The following NRXN1 variants were observed in gnomAD, a reference collection of about 807,000 sequenced individuals.
The protein encoded by NRXN1 is neurexin-1.
Under a neutral mutation model 150.9 loss-of-function variants are expected in NRXN1, and 39 were observed. That is an observed-to-expected ratio of 0.26 (90% CI 0.20 to 0.34). The LOEUF (loss-of-function observed/expected upper bound fraction) is 0.34, where lower values mean the gene tolerates loss of function less well. NRXN1 is among the 10% of genes least tolerant of loss of function. The probability of loss-of-function intolerance (pLI) is 1.00; values close to 1 mark genes in which losing one functional copy is unlikely to be tolerated. For synonymous variants in NRXN1, 924 were observed against 757.0 expected, an observed-to-expected ratio of 1.22 and a Z score of -3.62; for missense variants, 1,815 against 1,949.9, an observed-to-expected ratio of 0.93 and a Z score of 1.30.
At chr2:50,109,447 A>G (rs1656645841) in intron 18 of NRXN1, among the ~76,000 whole-genome samples, 1 of 152,148 alleles carries the variant, frequency 6.6e-6, no homozygotes, top group African/African-American at 2.4e-5. Flanking sequence ...AATTTAGCCA[A>G]AAAAACCCCA....
intron 2 of NRXN1, among the ~76,000 whole-genome samples, chr2:50,937,576 C>T (rs926607742): frequency 5.3e-5 from 8 of 152,100 alleles, no homozygotes; most frequent in African/African-American, 1.9e-4. Flanking sequence ...ATCCAAATTT[C>T]AGGCAGTCCC....
chr2:50,116,061 CT>C (rs1553627032), intron 18 of NRXN1, among the ~76,000 whole-genome samples: 1 of 151,990 alleles, frequency 6.6e-6, no homozygotes, highest in Non-Finnish European at 1.5e-5. Flanking sequence ...GGCTCGACCT[CT>C]TTTTTTAATT....
At chr2:51,030,174 G>A (rs72828365) in intron 1 of NRXN1, among the ~76,000 whole-genome samples, 1 of 151,834 alleles carries the variant, frequency 6.6e-6, no homozygotes, top group Admixed American at 6.6e-5. Flanking sequence ...AATTACAAAT[G>A]TATAATCTGT....
At chr2:49,923,504 G>A (rs551667108) in intron 22 of NRXN1, among the ~76,000 whole-genome samples, 78 of 152,240 alleles carry the variant, frequency 5.1e-4, no homozygotes, top group Non-Finnish European at 1.0e-3. Flanking sequence ...GAATGTGTGT[G>A]TATGAGTGTG....
chr2:50,242,169 T>G (rs1199599800), intron 17 of NRXN1, among the ~76,000 whole-genome samples: 1 of 151,720 alleles, frequency 6.6e-6, no homozygotes, highest in Admixed American at 6.6e-5. Context: ...GGTACCCAGA[T>G]GAATATTAAA....
intron 5 of NRXN1, among the ~76,000 whole-genome samples, chr2:50,837,016 GTAAATCCCTGAAGATACT>G (rs986719346): frequency 1.5e-4 from 23 of 151,948 alleles, no homozygotes; most frequent in Admixed American, 1.3e-3. Flanking sequence ...TTCCAAAAGA[GTAAATCCCTGAAGATACT>G]TTGCATATTT....
intron 21 of NRXN1, among the ~76,000 whole-genome samples, chr2:49,985,758 C>G (rs1445851657): frequency 6.6e-6 from 1 of 152,156 alleles, no homozygotes; most frequent in Non-Finnish European, 1.5e-5. Flanking sequence ...GGCATACTGT[C>G]ATGCAAATGA....
chr2:51,028,180 C>G lies in NRXN1; in HGVS notation c.94G>C (p.Glu32Gln). 2 of 1,511,466 alleles carry G rather than the reference C, an allele frequency of 1.3e-6. No homozygotes were observed. The highest frequency in any genetic ancestry group is 1.3e-5 in the South Asian group (1 of 77,374). The allele number at this position is 1,511,466 out of a possible 1,614,324, so 93.6% of individuals were successfully genotyped here. Reference protein sequence around the residue: ...GCWAELGSGLEFPGAEGQWTR... With the variant: ...GCWAELGSGLQFPGAEGQWTR... ...CATTGGCCCTCGGCGCCCGGAAACTCCAGCCCGCTGCCCAGCTCCGCCCAG... is the reference window on the plus strand; with the variant it reads ...CATTGGCCCTCGGCGCCCGGAAACTGCAGCCCGCTGCCCAGCTCCGCCCAG... Residue 32 changes from glutamate (E) to glutamine (Q), a missense_variant, in exon 2 of 23, where the codon GAG (glutamate) becomes CAG (glutamine). By Grantham distance (29) the Glu-to-Gln change is conservative. Coordinates refer to ENST00000401669, the MANE Select transcript of NRXN1 (RefSeq NM_001330078.2).
At chr2:50,405,256 A>G (rs867827818) in intron 17 of NRXN1, among the ~76,000 whole-genome samples, 27 of 152,144 alleles carry the variant, frequency 1.8e-4, no homozygotes, top group African/African-American at 5.3e-4. Flanking sequence ...TTGATGTTCA[A>G]TGAAGTCGCA....
At chr2:50,337,365 G>A (rs959850219) in intron 17 of NRXN1, among the ~76,000 whole-genome samples, 2 of 152,110 alleles carry the variant, frequency 1.3e-5, no homozygotes, top group South Asian at 4.1e-4. Flanking sequence ...GACTACAGGC[G>A]TGAGCCACCG....
chr2:50,029,779 A>C (rs1688917647), intron 21 of NRXN1, among the ~76,000 whole-genome samples: 1 of 152,190 alleles, frequency 6.6e-6, no homozygotes, highest in East Asian at 1.9e-4. Flanking sequence ...TGAATTTAAT[A>C]TGAATAGGTT....
intron 18 of NRXN1, among the ~76,000 whole-genome samples, chr2:50,139,200 C>T (rs1465271824): frequency 6.6e-6 from 1 of 151,930 alleles, no homozygotes; most frequent in Admixed American, 6.6e-5. Flanking sequence ...GTGGCGTGTG[C>T]CAGTAATCCC....
chr2:50,679,976 A>G (rs1690132126), intron 5 of NRXN1, among the ~76,000 whole-genome samples: 1 of 151,722 alleles, frequency 6.6e-6, no homozygotes, highest in Admixed American at 6.6e-5. Flanking sequence ...CTACAAAAAT[A>G]CAAAAATTAG....
chr2:50,708,591 G>A (rs1166305499), intron 5 of NRXN1, among the ~76,000 whole-genome samples: 2 of 152,082 alleles, frequency 1.3e-5, no homozygotes, highest in East Asian at 3.9e-4. Context: ...AACAGGCAGG[G>A]TACCTAAGTT....
chr2:50,937,309 T>C (rs1688697649), intron 2 of NRXN1, among the ~76,000 whole-genome samples: 1 of 152,198 alleles, frequency 6.6e-6, no homozygotes, highest in Non-Finnish European at 1.5e-5. Context: ...GTTCAGCTTC[T>C]AGCACAGTAT....
At chr2:50,497,824 TG>T in intron 13 of NRXN1, 110 bp from the exon 14 acceptor site, 2 of 955,170 alleles carry the variant, frequency 2.1e-6, no homozygotes, top group Non-Finnish European at 3.1e-6. Flanking sequence ...AATCCCTCCT[TG>T]GTACTCAGTT....
At chr2:51,016,144 C>T (rs1668632674) in intron 2 of NRXN1, among the ~76,000 whole-genome samples, 1 of 151,838 alleles carries the variant, frequency 6.6e-6, no homozygotes, top group African/African-American at 2.4e-5. Context: ...ATTTAATAAA[C>T]CATAAAGATC....
chr2:50,064,637 T>C (rs1190475031), intron 19 of NRXN1, among the ~76,000 whole-genome samples: 1 of 152,164 alleles, frequency 6.6e-6, no homozygotes, highest in African/African-American at 2.4e-5. Context: ...TAAATTGAAA[T>C]GTTGATACTC....
intron 5 of NRXN1, among the ~76,000 whole-genome samples, chr2:50,701,983 T>G (rs573319255): frequency 6.6e-6 from 1 of 152,284 alleles, no homozygotes; most frequent in Admixed American, 6.5e-5. Context: ...TAATCATTGG[T>G]AATAACTTCT....
Sources: gnomAD v4.1 joint callset for allele counts (sites outside exome capture counted in the v4.1 genomes callset) on GRCh38, gnomAD v4.1.1 for gene constraint, MANE v1.5 for transcripts, NCBI Gene and HGNC (gene_info 2026-07-23, HGNC 2026-07-21) for gene names.